The following SMC6 variants were observed in gnomAD, a reference collection of about 807,000 sequenced individuals.
SMC6 encodes structural maintenance of chromosomes protein 6.
SMC6 carries 79 observed loss-of-function variants against 142.2 expected under a neutral mutation model. The ratio of observed to expected loss-of-function variants is 0.56; its 90% confidence interval spans 0.46 to 0.67. The LOEUF (loss-of-function observed/expected upper bound fraction) is 0.67, where lower values mean the gene tolerates loss of function less well. SMC6 is among the 30% of genes least tolerant of loss of function. The probability of loss-of-function intolerance (pLI) is 0.00; values close to 1 mark genes in which losing one functional copy is unlikely to be tolerated. For missense variants in SMC6, 1,072 were observed against 1,284.0 expected (o/e 0.83, Z 2.52); for synonymous variants, 411 against 412.4 (o/e 1.00, Z 0.04).
chr2:17,738,357 T>C lies in SMC6; in HGVS notation c.239-31A>G, dbSNP rs1240488411. The C allele has an allele frequency of 2.0e-6, 3 of 1,524,634 alleles. No individual in the cohort carries two copies. In the African/African-American group the frequency reaches 4.2e-5, roughly 21 times the overall value. 94.4% of individuals were successfully genotyped at this position (1,524,634 alleles called of 1,614,324 possible). ...GAAACAGATGTTGAAGAAATCACAT[T>C]CATTAAAAGAAAAAGGAAAAAGCTG... On this transcript the variant is annotated intron_variant, in intron 4 of 27. Coordinates refer to ENST00000448223, the MANE Select transcript of SMC6 (RefSeq NM_001142286.2).
At chr2:17,738,423 CACTTT>C in intron 4 of SMC6, 97 bp from the exon 5 acceptor site, 1 of 690,288 alleles carries the variant, frequency 1.4e-6, no homozygotes, top group Non-Finnish European at 2.3e-6. Flanking sequence ...GAATGAGACT[CACTTT>C]AAAATAAAAT....
At chr2:17,687,164 A>G (rs974449078) in intron 23 of SMC6, among the ~76,000 whole-genome samples, 2 of 152,220 alleles carry the variant, frequency 1.3e-5, no homozygotes, top group African/African-American at 2.4e-5. Flanking sequence ...AACCACTTAC[A>G]CATTTATGCT....
intron 16 of SMC6, among the ~76,000 whole-genome samples, chr2:17,711,923 T>C (rs1287803185): frequency 6.6e-6 from 1 of 152,158 alleles, no homozygotes; most frequent in Non-Finnish European, 1.5e-5. Flanking sequence ...CTGGTCTAAA[T>C]TTGGTGTATT....
intron 11 of SMC6, among the ~76,000 whole-genome samples, chr2:17,719,190 G>C (rs1279849457): frequency 2.6e-5 from 4 of 152,140 alleles, no homozygotes; most frequent in African/African-American, 9.7e-5. Context: ...CAAGGACAAT[G>C]AGTAGAGGAA....
chr2:17,680,560 A>G (rs1667194983), intron 24 of SMC6: 1 of 152,146 alleles, frequency 6.6e-6, no homozygotes, highest in Non-Finnish European at 1.5e-5. Context: ...AGTTAAAATT[A>G]CTCCTTGATC....
In SMC6 at chr2:17,753,420, G is replaced by A. The variant is rs184786467; in HGVS notation, c.-93+206C>T. On this transcript the variant is annotated intron_variant, in intron 1 of 27. Transcript: ENST00000448223. The stretch of plus-strand genomic sequence containing the variant: ...GGCTCAGGAGACCGGTGCCGCCTCG[G>A]AGAGCGCGCGAAGGTGCCGCCGGCC... 9.0e-5 allele frequency among the ~76,000 whole-genome samples: 7 copies of A among 78,068 alleles called. No individual in the cohort carries two copies. In the East Asian group the frequency reaches 1.6e-3, roughly 17 times the overall value. The allele number at this position is 78,068 out of a possible 152,430, so 51.2% of individuals were successfully genotyped here.
chr2:17,692,157 T>A (rs1171045300), intron 23 of SMC6, among the ~76,000 whole-genome samples: 1 of 152,138 alleles, frequency 6.6e-6, no homozygotes, highest in African/African-American at 2.4e-5. Context: ...TTCACTGCCA[T>A]CCCCATCAAG....
intron 2 of SMC6, among the ~76,000 whole-genome samples, chr2:17,746,649 C>A (rs1010241965): frequency 6.6e-6 from 1 of 151,990 alleles, no homozygotes; most frequent in African/African-American, 2.4e-5. Context: ...AAAATTTAAA[C>A]CTAGAAAATT....
At chr2:17,717,003 TA>T in intron 13 of SMC6, 84 bp downstream of exon 13, 2 of 1,516,754 alleles carry the variant, frequency 1.3e-6, no homozygotes, top group Non-Finnish European at 1.8e-6. Flanking sequence ...TTAACAACAA[TA>T]CATAAAATAT....
intron 16 of SMC6, among the ~76,000 whole-genome samples, chr2:17,709,666 C>T (rs950681829): frequency 6.6e-6 from 1 of 152,126 alleles, no homozygotes; most frequent in Non-Finnish European, 1.5e-5. Flanking sequence ...GTATACAAAA[C>T]AGACTACACC....
At chr2:17,743,631 T>C (rs987630469) in intron 3 of SMC6, among the ~76,000 whole-genome samples, 2 of 152,118 alleles carry the variant, frequency 1.3e-5, no homozygotes, top group Non-Finnish European at 2.9e-5. Context: ...TAGGGTTCAC[T>C]CGATATTATT....
At chr2:17,750,417 C>T (rs899398252) in intron 2 of SMC6, among the ~76,000 whole-genome samples, 2 of 152,186 alleles carry the variant, frequency 1.3e-5, no homozygotes. Flanking sequence ...TCCCCAACAT[C>T]TTTATGAGAT....
chr2:17,668,364 C>T (rs1039626481), intron 26 of SMC6, among the ~76,000 whole-genome samples: 9 of 152,128 alleles, frequency 5.9e-5, no homozygotes, highest in Admixed American at 1.3e-4. Context: ...ATACAGCACT[C>T]ACAGGTATAA....
In SMC6 at chr2:17,727,769, C is replaced by G. The variant is rs191336155; in HGVS notation, c.544-1300G>C. Among the ~76,000 whole-genome samples the G allele has an allele frequency of 5.9e-5, 9 of 152,256 alleles. No homozygotes were observed. The East Asian group carries it at 1.7e-3, about 29-fold the overall frequency. ...ACTTTAAACCCTTCATGTTCACTGT[C>G]TACAAAATAAATATTGTGTAATTTG... On this transcript the variant is annotated intron_variant, in intron 7 of 27. Coordinates refer to ENST00000448223, the MANE Select transcript of SMC6 (RefSeq NM_001142286.2).
At chr2:17,709,638 C>G (rs186623970) in intron 16 of SMC6, among the ~76,000 whole-genome samples, 2 of 152,186 alleles carry the variant, frequency 1.3e-5, no homozygotes, top group East Asian at 3.9e-4. Context: ...GGTGCTGTTC[C>G]AGAGGATAAA....
At chr2:17,672,600 T>C (rs190221589) in intron 25 of SMC6, among the ~76,000 whole-genome samples, 16 of 152,316 alleles carry the variant, frequency 1.1e-4, no homozygotes, top group African/African-American at 3.8e-4. Flanking sequence ...AAGGTAACTA[T>C]TATTCTGATT....
chr2:17,688,052 G>A (rs974245653), intron 23 of SMC6, among the ~76,000 whole-genome samples: 2 of 152,086 alleles, frequency 1.3e-5, no homozygotes, highest in Non-Finnish European at 2.9e-5. Context: ...AATAGGTTAA[G>A]GTTAAAAAGC....
intron 1 of SMC6, among the ~76,000 whole-genome samples, 178 bp from the exon 2 acceptor site, chr2:17,753,242 T>C (rs1671157425): frequency 9.7e-6 from 1 of 103,258 alleles, no homozygotes; most frequent in Non-Finnish European, 2.1e-5. Context: ...ATCATCAGAC[T>C]CATGCTAAGA....
At chr2:17,690,613 C>CA (rs1029569964) in intron 23 of SMC6, among the ~76,000 whole-genome samples, 9 of 148,330 alleles carry the variant, frequency 6.1e-5, no homozygotes, top group Non-Finnish European at 9.0e-5. Context: ...ACAAAAAAAC[C>CA]AAAAAAACAA....
Sources: gnomAD v4.1 joint callset for allele counts (sites outside exome capture counted in the v4.1 genomes callset) on GRCh38, gnomAD v4.1.1 for gene constraint, MANE v1.5 for transcripts, NCBI Gene and HGNC (gene_info 2026-07-23, HGNC 2026-07-21) for gene names.